KDM6B: variants seen among roughly 807,000 people sequenced by gnomAD.
KDM6B encodes lysine-specific demethylase 6B.
Under a neutral mutation model 150.4 loss-of-function variants are expected in KDM6B, and 22 were observed. The observed-to-expected ratio is 0.15, with a 90% confidence interval of 0.10 to 0.21. KDM6B has a LOEUF of 0.21. Among genes scored for constraint, KDM6B ranks in the 10% least tolerant of loss-of-function variants. The probability of loss-of-function intolerance (pLI) is 1.00; values close to 1 mark genes in which losing one functional copy is unlikely to be tolerated. For missense variants in KDM6B, 1,984 were observed against 2,234.3 expected, an observed-to-expected ratio of 0.89 and a Z score of 2.26; for synonymous variants, 1,148 against 921.1, an observed-to-expected ratio of 1.25 and a Z score of -4.46.
chr17:7,847,326 A>T lies in KDM6B; in HGVS notation c.1131A>T (p.Ala377=), dbSNP rs755765886. ...GGATGGACTCCAGCGTTTCACCAGC[A>T]GCAACCACCGCCTGCGTGCCTTACG... is the stretch of plus-strand genomic sequence containing the variant. ...RSRMDSSVSP[A]ATTACVPYAP... The change falls in exon 11 of 24, where the codon GCA becomes GCT. Residue 377 remains alanine, a synonymous_variant. Coordinates refer to ENST00000448097, the MANE Select transcript of KDM6B (RefSeq NM_001348716.2). 6.2e-7 allele frequency: 1 copy of T among 1,608,978 alleles called. No individual in the cohort carries two copies. Among genetic ancestry groups the T allele is most frequent in the Non-Finnish European group, 8.5e-7 (1 of 1,179,754 alleles).
Position 7,843,966 on chromosome 17 carries a change from G to A in KDM6B, c.-268-935G>A, listed in dbSNP as rs1285953505. 6.6e-6 allele frequency among the ~76,000 whole-genome samples: 1 copy of A among 151,884 alleles called. No homozygotes were observed. Among genetic ancestry groups the A allele is most frequent in the African/African-American group, 2.4e-5 (1 of 41,328 alleles). On this transcript the variant is annotated intron_variant, in intron 2 of 23. Transcript: ENST00000448097. The surrounding 1 kb of genome is among the most constrained non-coding windows in gnomAD (Gnocchi z 4.5). The stretch of plus-strand genomic sequence containing the variant: ...GGGGGCGTGAAGGAGGAAGTGAAAC[G>A]AGTTCTGGGTTCTTTAAGGGAGTGG...
chr17:7,835,224 G>A (rs2078309903), intron 1 of KDM6B, among the ~76,000 whole-genome samples: 1 of 152,068 alleles, frequency 6.6e-6, no homozygotes, highest in Non-Finnish European at 1.5e-5. Flanking sequence ...TCTCCCGGCT[G>A]GGGTAAATAG....
chr17:7,850,232 A>G, intron 14 of KDM6B, 55 bp downstream of exon 14: 4 of 1,419,832 alleles, frequency 2.8e-6, no homozygotes, highest in Non-Finnish European at 3.9e-6. Flanking sequence ...TGGGGCATGT[A>G]GGACCCTCTG....
chr17:7,844,654 T>A lies in KDM6B; in HGVS notation c.-268-247T>A, dbSNP rs926184345. Reference sequence around the variant, plus strand: ...ACCGGCGGCTCTGGGTGCTTGAGGCTTGCGGGTAGCGCCGGCCCCCACGCC... The same window carrying A: ...ACCGGCGGCTCTGGGTGCTTGAGGCATGCGGGTAGCGCCGGCCCCCACGCC... On this transcript the variant is annotated intron_variant, in intron 2 of 23. Coordinates refer to ENST00000448097, the MANE Select transcript of KDM6B (RefSeq NM_001348716.2). The surrounding 1 kb of genome is among the most constrained non-coding windows in gnomAD (Gnocchi z 5.9). Among the ~76,000 whole-genome samples, 4 of 152,202 alleles carry A rather than the reference T, an allele frequency of 2.6e-5. No homozygotes were observed. Among genetic ancestry groups the A allele is most frequent in the Non-Finnish European group, 4.4e-5 (3 of 68,018 alleles).
At chr17:7,841,629 C>G (rs1230386373) in intron 2 of KDM6B, among the ~76,000 whole-genome samples, 2 of 152,190 alleles carry the variant, frequency 1.3e-5, no homozygotes, top group African/African-American at 4.8e-5. Flanking sequence ...ACAAGATGAG[C>G]AGATATGCAG....
intron 21 of KDM6B, 74 bp from the exon 22 acceptor site, chr17:7,852,926 C>T (rs1004843216): frequency 1.9e-6 from 3 of 1,604,504 alleles, no homozygotes; most frequent in Non-Finnish European, 2.6e-6. Flanking sequence ...CTGCCCACCC[C>T]TCTGCCCTTG....
chr17:7,846,371 G>GGGCCGGGCC, intron 7 of KDM6B, 29 bp from the exon 8 acceptor site: 2 of 1,488,922 alleles, frequency 1.3e-6, no homozygotes, highest in Non-Finnish European at 1.8e-6. Flanking sequence ...CCTGACATCT[G>GGGCCGGGCC]CCCCTGCCCC....
intron 21 of KDM6B, 143 bp downstream of exon 21, chr17:7,852,779 A>G: frequency 7.5e-7 from 1 of 1,334,754 alleles, no homozygotes; most frequent in Non-Finnish European, 1.1e-6. Context: ...GAGGCTAACT[A>G]GGTCCTTGCT....
intron 1 of KDM6B, among the ~76,000 whole-genome samples, chr17:7,835,701 A>T (rs1423118011): frequency 6.6e-6 from 1 of 151,852 alleles, no homozygotes; most frequent in Non-Finnish European, 1.5e-5. Flanking sequence ...GCTGGGAGGC[A>T]GCAGCTGCCT....
rs1481739208 is a variant in KDM6B, at chr17:7,844,716, C to T, written c.-268-185C>T. 6.6e-6 allele frequency among the ~76,000 whole-genome samples: 1 copy of T among 152,186 alleles called. No individual in the cohort carries two copies. The highest frequency in any genetic ancestry group is 1.5e-5 in the Non-Finnish European group (1 of 68,024). On this transcript the variant is annotated intron_variant, in intron 2 of 23. Coordinates refer to ENST00000448097, the MANE Select transcript of KDM6B (RefSeq NM_001348716.2). This position sits in a 1 kb window ranked among gnomAD's most constrained non-coding sequence, Gnocchi z 5.9. ...GCGACTAACCGGCCTCATCCGCATG[C>T]GTCTTGTCCTGGCTGCCTTCTGGCC...
At position 7,846,317 on chromosome 17, in the gene KDM6B, G is replaced by T. The variant is rs1444376989; in HGVS notation, c.456+20G>T. The T allele has an allele frequency of 6.2e-7, 1 of 1,604,496 alleles. No individual in the cohort carries two copies. Among genetic ancestry groups the T allele is most frequent in the Non-Finnish European group, 8.5e-7 (1 of 1,175,424 alleles). ...CAGCAGGTAGGAGAAGGCAGGGCGTGGGGGACGGGATTGTACGATTGTGCC... is the reference window on the plus strand; with the variant it reads ...CAGCAGGTAGGAGAAGGCAGGGCGTTGGGGACGGGATTGTACGATTGTGCC... On this transcript the variant is annotated intron_variant, in intron 7 of 23. Transcript: ENST00000448097.
Position 7,853,387 on chromosome 17 carries a change from G to T in KDM6B, c.4908+7G>T, listed in dbSNP as rs780461185. 9.7e-6 allele frequency: 15 copies of T among 1,541,180 alleles called. No homozygotes were observed. Among genetic ancestry groups the T allele is most frequent in the African/African-American group, 9.6e-5 (7 of 73,272 alleles). ...CTACGACGCCTTCACGCTGGTGAGG[G>T]CCCGGCGGGCGCGCGGGCAGCGGAG... is the stretch of plus-strand genomic sequence containing the variant. On this transcript the variant is annotated splice_region_variant and intron_variant, in intron 23 of 23. Transcript: ENST00000448097.
chr17:7,842,494 T>C (rs1366158474), intron 2 of KDM6B, among the ~76,000 whole-genome samples: 2 of 152,214 alleles, frequency 1.3e-5, no homozygotes, highest in Admixed American at 1.3e-4. Context: ...TCAGTCTTTG[T>C]GCCTGTCCGT....
At position 7,849,199 on chromosome 17, in the gene KDM6B, A is replaced by G; in HGVS notation, c.2911A>G (p.Ser971Gly). Reference protein sequence around the residue: ...EAGGVAAVSGSCKRRQKEHQK... With the variant: ...EAGGVAAVSGGCKRRQKEHQK... ...TGGCGGGGTGGCGGCAGTGTCAGGC[A>G]GCTGTAAGCGGCGACAGAAGGAGCA... Residue 971 changes from serine to glycine, a missense_variant, in exon 12 of 24, where the codon AGC (serine) becomes GGC (glycine). Physicochemically the swap from Ser to Gly is moderately conservative, Grantham distance 56 (BLOSUM62 0). Coordinates refer to ENST00000448097, the MANE Select transcript of KDM6B (RefSeq NM_001348716.2). 4 of 1,603,216 alleles carry G rather than the reference A, an allele frequency of 2.5e-6. No homozygotes were observed. Among genetic ancestry groups the G allele is most frequent in the Non-Finnish European group, 3.4e-6 (4 of 1,174,922 alleles).
rs376132222 is a variant in KDM6B at position 7,836,686 on chromosome 17, C to T, written c.-388+2336C>T. 9.2e-5 allele frequency among the ~76,000 whole-genome samples: 14 copies of T among 152,378 alleles called. 1 individual carries two copies. The highest frequency in any genetic ancestry group is 3.1e-4 in the African/African-American group (13 of 41,596). ...GGAGACAGGCAAGAGGCCTGAGTCC[C>T]TGGGATTGGAGTCGTATTAGGGGTA... On this transcript the variant is annotated intron_variant, in intron 1 of 23. Coordinates refer to ENST00000448097, the MANE Select transcript of KDM6B (RefSeq NM_001348716.2).
chr17:7,850,057 C>T lies in KDM6B; in HGVS notation c.3568-15C>T. On this transcript the variant is annotated splice_polypyrimidine_tract_variant and intron_variant, in intron 13 of 23. Transcript: ENST00000448097. Reference sequence around the variant, plus strand: ...GGCCAGGGCTCTGACCCCAGCTCTCCTGGTCATGTCTCAGCTGGAGAGCAA... The same window carrying T: ...GGCCAGGGCTCTGACCCCAGCTCTCTTGGTCATGTCTCAGCTGGAGAGCAA... 6.2e-7 allele frequency: 1 copy of T among 1,613,654 alleles called. No individual in the cohort carries two copies.
At chr17:7,852,702 T>A (rs1013576910) in intron 21 of KDM6B, 66 bp downstream of exon 21, 2 of 1,599,890 alleles carry the variant, frequency 1.3e-6, no homozygotes, top group Non-Finnish European at 1.7e-6. Context: ...TCTTCCTGTC[T>A]GACTCCACCC....
Position 7,851,644 on chromosome 17 carries a change from G to T in KDM6B, c.4017-4G>T. 1 of 1,592,390 alleles carries T rather than the reference G, an allele frequency of 6.3e-7. No individual in the cohort carries two copies. The highest frequency in any genetic ancestry group is 8.6e-7 in the Non-Finnish European group (1 of 1,169,322). ...TAGCCTCTCGTCGCACTTCCGCACC[G>T]CAGGTGGAAGCCCCAGCTGCAGGAG... On this transcript the variant is annotated splice_region_variant and splice_polypyrimidine_tract_variant and intron_variant, in intron 17 of 23. Coordinates refer to ENST00000448097, the MANE Select transcript of KDM6B (RefSeq NM_001348716.2).
intron 2 of KDM6B, among the ~76,000 whole-genome samples, chr17:7,841,489 G>C (rs1241785093): frequency 1.3e-5 from 2 of 152,226 alleles, no homozygotes; most frequent in African/African-American, 4.8e-5. Context: ...GATCACGCTA[G>C]TGATGCAGAG....
Sources: gnomAD v4.1 joint callset for allele counts (sites outside exome capture counted in the v4.1 genomes callset) on GRCh38, gnomAD v4.1.1 for gene constraint, Gnocchi (gnomAD v3.1) non-coding constraint, MANE v1.5 for transcripts, NCBI Gene and HGNC (gene_info 2026-07-23, HGNC 2026-07-21) for gene names.